DLGAP1: variants seen among roughly 807,000 people sequenced by gnomAD.
DLGAP1 encodes disks large-associated protein 1.
Under a neutral mutation model 90.8 loss-of-function variants are expected in DLGAP1, and 11 were observed. The observed-to-expected ratio is 0.12, with a 90% confidence interval of 0.08 to 0.20. The LOEUF (loss-of-function observed/expected upper bound fraction) is 0.20. DLGAP1 is among the 10% of genes least tolerant of loss of function. The pLI, the probability that DLGAP1 is intolerant of heterozygous loss-of-function variation, is 1.00. For synonymous variants in DLGAP1, 558 were observed against 540.7 expected (o/e 1.03, Z -0.44); for missense variants, 1,050 against 1,333.8 (o/e 0.79, Z 3.31).
At chr18:4,159,519 C>G (rs73369054) in intron 1 of DLGAP1, among the ~76,000 whole-genome samples, 6,823 of 152,232 alleles carry the variant, frequency 0.045, 527 homozygotes, top group African/African-American at 0.16. Flanking sequence ...CTCTGTAGCC[C>G]TTTCTTCACT....
chr18:4,176,543 A>G (rs1362165804), intron 1 of DLGAP1, among the ~76,000 whole-genome samples: 1 of 152,120 alleles, frequency 6.6e-6, no homozygotes, highest in African/African-American at 2.4e-5. Context: ...CTTCATTTCC[A>G]CTGGTCTTAC....
chr18:4,239,301 A>G (rs2078480884), intron 1 of DLGAP1, among the ~76,000 whole-genome samples: 1 of 152,220 alleles, frequency 6.6e-6, no homozygotes, highest in South Asian at 2.1e-4. Flanking sequence ...TAAAGGGATA[A>G]TTGACATCAT....
At chr18:3,838,951 G>A (rs1383463182) in intron 4 of DLGAP1, among the ~76,000 whole-genome samples, 1 of 152,060 alleles carries the variant, frequency 6.6e-6, no homozygotes, top group Non-Finnish European at 1.5e-5. Flanking sequence ...TAAAAGAGAT[G>A]GCAAATTAGA....
chr18:3,613,864 G>T (rs894309855), intron 7 of DLGAP1, among the ~76,000 whole-genome samples: 3 of 152,100 alleles, frequency 2.0e-5, no homozygotes, highest in African/African-American at 7.2e-5. Context: ...CCCTTTGTAA[G>T]TTGCAAAGTG....
At chr18:3,823,705 T>G (rs751862849) in intron 4 of DLGAP1, among the ~76,000 whole-genome samples, 1 of 152,086 alleles carries the variant, frequency 6.6e-6, no homozygotes, top group Non-Finnish European at 1.5e-5. Flanking sequence ...GGCCCAGCAC[T>G]TTGGGAGGCC....
At chr18:3,731,432 C>CT (rs1180405363) in intron 6 of DLGAP1, among the ~76,000 whole-genome samples, 5 of 152,078 alleles carry the variant, frequency 3.3e-5, no homozygotes, top group African/African-American at 4.8e-5. Flanking sequence ...ATATTCTTTT[C>CT]TTTTTTTGAG....
intron 5 of DLGAP1, among the ~76,000 whole-genome samples, chr18:3,745,683 ATTTTT>A (rs1374176117): frequency 1.3e-5 from 2 of 152,066 alleles, no homozygotes; most frequent in Non-Finnish European, 2.9e-5. Context: ...GCTATATTTT[ATTTTT>A]TATTTTTATT....
chr18:4,045,735 G>A (rs573958388), intron 2 of DLGAP1, among the ~76,000 whole-genome samples: 1 of 149,216 alleles, frequency 6.7e-6, no homozygotes, highest in South Asian at 2.1e-4. Context: ...ATCACGCCAA[G>A]TATATTTTAC....
intron 1 of DLGAP1, among the ~76,000 whole-genome samples, chr18:4,380,746 A>C (rs1365554416): frequency 6.6e-6 from 1 of 152,184 alleles, no homozygotes; most frequent in African/African-American, 2.4e-5. Flanking sequence ...TTGTATACTA[A>C]TTAACGAAAC....
At chr18:4,114,741 T>C (rs2076032901) in intron 2 of DLGAP1, among the ~76,000 whole-genome samples, 1 of 152,142 alleles carries the variant, frequency 6.6e-6, no homozygotes, top group Non-Finnish European at 1.5e-5. Context: ...TCTTAGTTTA[T>C]GTATGTCGTC....
intron 4 of DLGAP1, among the ~76,000 whole-genome samples, chr18:3,831,709 C>G (rs932629533): frequency 6.6e-6 from 1 of 152,198 alleles, no homozygotes; most frequent in Non-Finnish European, 1.5e-5. Context: ...GAATTCAGAT[C>G]TCCTTTGGCC....
At chr18:3,887,972 G>C (rs1420122824) in intron 3 of DLGAP1, among the ~76,000 whole-genome samples, 1 of 151,674 alleles carries the variant, frequency 6.6e-6, no homozygotes, top group African/African-American at 2.4e-5. Context: ...GCCAGGCGTG[G>C]TGGCGGGCGC....
chr18:4,256,924 T>A (rs2145230439), intron 1 of DLGAP1, among the ~76,000 whole-genome samples: 1 of 152,274 alleles, frequency 6.6e-6, no homozygotes, highest in Admixed American at 6.5e-5. Flanking sequence ...ACTGCTGGGT[T>A]CTTCCCCAGC....
chr18:3,557,453 C>T (rs1196338788), intron 9 of DLGAP1, among the ~76,000 whole-genome samples: 1 of 151,174 alleles, frequency 6.6e-6, no homozygotes, highest in Non-Finnish European at 1.5e-5. Flanking sequence ...ACTTGGGAGG[C>T]GGAGGTTGCA....
chr18:3,576,425 A>C lies in DLGAP1; in HGVS notation c.1965+5450T>G, dbSNP rs190421789. On this transcript the variant is annotated intron_variant, in intron 8 of 12. Transcript: ENST00000315677. ...AGGTGCCCACCACCATGCCCAACTA[A>C]TTTTTTTGTATTTTTAGTAGAGACT... 2.9e-3 allele frequency among the ~76,000 whole-genome samples: 441 copies of C among 150,770 alleles called. 1 individual carries two copies. The highest frequency in any genetic ancestry group is 5.3e-3 in the Non-Finnish European group (359 of 67,618).
At chr18:3,987,856 C>T (rs535480572) in intron 3 of DLGAP1, among the ~76,000 whole-genome samples, 56 of 152,124 alleles carry the variant, frequency 3.7e-4, no homozygotes, top group South Asian at 3.1e-3. Context: ...ATACATTAGA[C>T]TATGTATGTA....
chr18:4,268,982 T>C (rs2079194408), intron 1 of DLGAP1, among the ~76,000 whole-genome samples: 3 of 152,108 alleles, frequency 2.0e-5, no homozygotes, highest in Non-Finnish European at 4.4e-5. Context: ...TGCTTAGCTA[T>C]TAGCAGTTTT....
rs529490565 is a variant in DLGAP1 at position 3,610,907 on chromosome 18, G to C, written c.1592-28659C>G. ...CTTTTTTTTTTTTGAGTTTTCATATGTATTTTTTTCCTATGGCAGAAGAGT... is the reference window on the plus strand; with the variant it reads ...CTTTTTTTTTTTTGAGTTTTCATATCTATTTTTTTCCTATGGCAGAAGAGT... On this transcript the variant is annotated intron_variant, in intron 7 of 12. Coordinates refer to ENST00000315677, the MANE Select transcript of DLGAP1 (RefSeq NM_004746.4). 7.5e-4 allele frequency among the ~76,000 whole-genome samples: 110 copies of C among 147,006 alleles called. 1 individual carries two copies. In the South Asian group the frequency reaches 0.021, roughly 29 times the overall value.
Position 3,856,865 on chromosome 18 carries a change from C to CA in DLGAP1, c.957+22246dup, listed in dbSNP as rs912071937. On this transcript the variant is annotated intron_variant, in intron 4 of 12. Coordinates refer to ENST00000315677, the MANE Select transcript of DLGAP1 (RefSeq NM_004746.4). Reference sequence around the variant, plus strand: ...GACAGAGCAAGACTCCGTCCCCCTCCAAAAAAAAAAAGAAACACAGCTGAT... The same window carrying CA: ...GACAGAGCAAGACTCCGTCCCCCTCCAAAAAAAAAAAAGAAACACAGCTGAT... Among the ~76,000 whole-genome samples the CA allele has an allele frequency of 5.0e-4, 69 of 137,726 alleles. 1 individual carries two copies. Among genetic ancestry groups the CA allele is most frequent in the South Asian group, 9.2e-4 (4 of 4,348 alleles). The allele number at this position is 137,726 out of a possible 152,430, so 90.4% of individuals were successfully genotyped here.
Sources: allele counts gnomAD v4.1 joint callset (sites outside exome capture counted in the v4.1 genomes callset), GRCh38; gene constraint gnomAD v4.1.1; transcripts MANE v1.5; gene names NCBI Gene and HGNC (gene_info 2026-07-23, HGNC 2026-07-21).